Variants in SLCO3A1 observed in about 807,000 individuals in gnomAD.
The protein encoded by SLCO3A1 is PGE1 transporter.
SLCO3A1 carries 27 observed loss-of-function variants against 63.1 expected under a neutral mutation model. The ratio of observed to expected loss-of-function variants is 0.43; its 90% CI spans 0.32 to 0.59. The LOEUF is 0.59. Ranked by LOEUF, SLCO3A1 falls within the 20% of genes least tolerant of loss-of-function variation. The pLI is 0.09. For missense variants in SLCO3A1, 773 were observed against 945.8 expected, an observed-to-expected ratio of 0.82 and a Z score of 2.40; for synonymous variants, 473 against 409.9, an observed-to-expected ratio of 1.15 and a Z score of -1.86.
intron 2 of SLCO3A1, among the ~76,000 whole-genome samples, chr15:91,966,442 GAAGATGTTTTTCCC>G (rs1900665014): frequency 6.6e-6 from 1 of 152,164 alleles, no homozygotes; most frequent in African/African-American, 2.4e-5. Context: ...CATCTCTGAG[GAAGATGTTTTTCCC>G]ACTGTGCACA....
At chr15:91,928,273 T>C (rs1425778950) in intron 2 of SLCO3A1, among the ~76,000 whole-genome samples, 1 of 152,238 alleles carries the variant, frequency 6.6e-6, no homozygotes, top group Non-Finnish European at 1.5e-5. Context: ...GCAGCTGTTA[T>C]GACATACAGA....
At chr15:92,115,267 C>T (rs1295912044) in intron 4 of SLCO3A1, among the ~76,000 whole-genome samples, 1 of 152,080 alleles carries the variant, frequency 6.6e-6, no homozygotes, top group African/African-American at 2.4e-5. Flanking sequence ...GGTAGGAGCT[C>T]TTCTTGACCA....
chr15:92,094,395 C>T (rs143173406), intron 2 of SLCO3A1, among the ~76,000 whole-genome samples: 53 of 152,282 alleles, frequency 3.5e-4, no homozygotes, highest in African/African-American at 1.0e-3. Context: ...GAGTCTTGAA[C>T]GTTTTATTAT....
Position 92,164,989 on chromosome 15 carries a change from C to T in SLCO3A1, c.*1854C>T. ...AAGGTTGATTGGTTTGCTTTTTCAC[C>T]TTGGACACATTTGCATTTTACCCAC... On this transcript the variant is annotated 3_prime_UTR_variant, in exon 10 of 10. Transcript: ENST00000318445. 8 of 985,302 alleles carry T rather than the reference C, an allele frequency of 8.1e-6. No individual in the cohort carries two copies. The highest frequency in any genetic ancestry group is 9.6e-6 in the Non-Finnish European group (8 of 829,908). 61.0% of individuals were successfully genotyped at this position (985,302 alleles called of 1,614,324 possible).
rs1029318570 is a variant in SLCO3A1 at position 91,865,378 on chromosome 15, G to T, written c.180+11290G>T. Among the ~76,000 whole-genome samples the T allele has an allele frequency of 7.9e-5, 12 of 152,204 alleles. No individual in the cohort carries two copies. The highest frequency in any genetic ancestry group is 2.9e-4 in the African/African-American group (12 of 41,452). On this transcript the variant is annotated intron_variant, in intron 1 of 9. Coordinates refer to ENST00000318445, the MANE Select transcript of SLCO3A1 (RefSeq NM_013272.4). The surrounding 1 kb of genome is among the most constrained non-coding windows in gnomAD (Gnocchi z 4.6). ...TGTTGGTGAGGTGGACATGGGCTTG[G>T]AGGGGAGAGGGTGGATGAGATGGTA... is the stretch of plus-strand genomic sequence containing the variant.
intron 1 of SLCO3A1, among the ~76,000 whole-genome samples, chr15:91,891,625 C>T (rs1413811851): frequency 6.6e-6 from 1 of 152,202 alleles, no homozygotes; most frequent in Admixed American, 6.5e-5. Flanking sequence ...TCAATCTCTA[C>T]ATATACAAAA....
rs139034359 is a variant in SLCO3A1 at position 92,063,812 on chromosome 15, C to T, written c.647-31069C>T. Among the ~76,000 whole-genome samples the T allele has an allele frequency of 2.3e-3, 352 of 152,164 alleles. 2 individuals carry two copies. The highest frequency in any genetic ancestry group is 0.014 in the Middle Eastern group (4 of 294). On this transcript the variant is annotated intron_variant, in intron 2 of 9. Coordinates refer to ENST00000318445, the MANE Select transcript of SLCO3A1 (RefSeq NM_013272.4). ...TTGCAGTGAGCCAAGATCGCACCAC[C>T]GCACTCCAGCCTGGGCAACAGAGCT...
chr15:92,117,001 A>G (rs894317218), intron 4 of SLCO3A1, among the ~76,000 whole-genome samples: 4 of 152,352 alleles, frequency 2.6e-5, no homozygotes, highest in Admixed American at 6.5e-5. Context: ...ATCTAATTCA[A>G]GGAGAAATTA....
At chr15:92,004,275 T>G (rs2046288527) in intron 2 of SLCO3A1, among the ~76,000 whole-genome samples, 1 of 152,212 alleles carries the variant, frequency 6.6e-6, no homozygotes. Flanking sequence ...GATTGTGGCA[T>G]GCAGCCCTGC....
intron 2 of SLCO3A1, among the ~76,000 whole-genome samples, chr15:92,067,852 A>C (rs34970707): frequency 0.12 from 18,129 of 152,258 alleles, 1,233 homozygotes; most frequent in East Asian, 0.27. Context: ...GGGACGTCCA[A>C]GATCAAGACA....
Position 92,164,157 on chromosome 15 carries a change from C to T in SLCO3A1, c.*1022C>T, listed in dbSNP as rs1465943427. 1.4e-5 allele frequency: 14 copies of T among 984,778 alleles called. No individual in the cohort carries two copies. The highest frequency in any genetic ancestry group is 1.6e-5 in the Non-Finnish European group (13 of 829,552). The allele number at this position is 984,778 out of a possible 1,614,324, so 61.0% of individuals were successfully genotyped here. On this transcript the variant is annotated 3_prime_UTR_variant, in exon 10 of 10. Coordinates refer to ENST00000318445, the MANE Select transcript of SLCO3A1 (RefSeq NM_013272.4). ...AAGTCACTAACACAGTTCTCTAGGC[C>T]GGATTTATTATGCTGGTTGCTTTTA...
chr15:91,858,924 A>G (rs1896987963), intron 1 of SLCO3A1, among the ~76,000 whole-genome samples: 1 of 152,236 alleles, frequency 6.6e-6, no homozygotes, highest in Non-Finnish European at 1.5e-5. Context: ...TTTCATGCAG[A>G]AAGAGTGAAG....
In SLCO3A1 at chr15:91,941,318, G is replaced by A. The variant is rs1213670518; in HGVS notation, c.646+24860G>A. 1.1e-5 allele frequency: 3 copies of A among 279,084 alleles called. No homozygotes were observed. The highest frequency in any genetic ancestry group is 9.4e-5 in the Admixed American group (2 of 21,290). 17.3% of individuals were successfully genotyped at this position (279,084 alleles called of 1,614,324 possible). On this transcript the variant is annotated intron_variant, in intron 2 of 9. Coordinates refer to ENST00000318445, the MANE Select transcript of SLCO3A1 (RefSeq NM_013272.4). This position sits in a 1 kb window ranked among gnomAD's most constrained non-coding sequence, Gnocchi z 4.4. ...GGCTGGGGGGTGGGAGAGAGACACT[G>A]AATCAGTGCATGAGTGACCAGCTAG...
At chr15:92,014,306 C>A (rs1257536780) in intron 2 of SLCO3A1, among the ~76,000 whole-genome samples, 1 of 152,082 alleles carries the variant, frequency 6.6e-6, no homozygotes, top group Non-Finnish European at 1.5e-5. Flanking sequence ...AAGCCAAATA[C>A]CTGGGCACAG....
At chr15:91,964,650 C>G (rs751439595) in intron 2 of SLCO3A1, among the ~76,000 whole-genome samples, 7 of 152,054 alleles carry the variant, frequency 4.6e-5, no homozygotes, top group Non-Finnish European at 7.4e-5. Flanking sequence ...TTGGCCACAG[C>G]TCCGTCCCAT....
chr15:91,930,229 C>T (rs1362710434), intron 2 of SLCO3A1, among the ~76,000 whole-genome samples: 2 of 152,136 alleles, frequency 1.3e-5, no homozygotes, highest in African/African-American at 4.8e-5. Flanking sequence ...CTCCTCTACT[C>T]GTCCCCTCCC....
At chr15:91,877,501 A>G (rs980319554) in intron 1 of SLCO3A1, among the ~76,000 whole-genome samples, 4 of 152,206 alleles carry the variant, frequency 2.6e-5, no homozygotes, top group African/African-American at 9.6e-5. Flanking sequence ...ACATCACTGC[A>G]AGGTTTGATA....
In SLCO3A1 at chr15:91,931,251, A is replaced by G. The variant is rs994695959; in HGVS notation, c.646+14793A>G. On this transcript the variant is annotated intron_variant, in intron 2 of 9. Transcript: ENST00000318445. ...ATGCTGCTCCCTGATGCGATGCATT[A>G]TGCAGGCAAAGAAATAACATGACAA... 2.6e-5 allele frequency among the ~76,000 whole-genome samples: 4 copies of G among 152,202 alleles called. No homozygotes were observed. The East Asian group carries it at 7.7e-4, about 29-fold the overall frequency.
At position 92,033,676 on chromosome 15, in the gene SLCO3A1, C is replaced by G. The variant is rs1597242244; in HGVS notation, c.647-61205C>G. On this transcript the variant is annotated intron_variant, in intron 2 of 9. Transcript: ENST00000318445. The surrounding 1 kb of genome is among the most constrained non-coding windows in gnomAD (Gnocchi z 4.5). ...CACATATTCCAGTGAGGGAGAGAGA[C>G]AGTAAACAATATAACTAAGAAGAGT... is the stretch of plus-strand genomic sequence containing the variant. Among the ~76,000 whole-genome samples, 1 of 152,122 alleles carries G rather than the reference C, an allele frequency of 6.6e-6. No individual in the cohort carries two copies. The highest frequency in any genetic ancestry group is 1.5e-5 in the Non-Finnish European group (1 of 68,022).
Sources: allele counts gnomAD v4.1 joint callset (sites outside exome capture counted in the v4.1 genomes callset), GRCh38; gene constraint gnomAD v4.1.1; non-coding constraint Gnocchi (gnomAD v3.1); transcripts MANE v1.5; gene names NCBI Gene and HGNC (gene_info 2026-07-23, HGNC 2026-07-21).